Variants in DENND3 observed in about 807,000 individuals in gnomAD.
DENND3 encodes DENN domain-containing protein 3.
DENND3 carries 88 observed loss-of-function variants against 135.1 expected under a neutral mutation model. The observed-to-expected ratio is 0.65, with a 90% CI of 0.55 to 0.78. DENND3 has a LOEUF of 0.78. DENND3 is among the 30% of genes least tolerant of loss of function. The pLI is 0.00. For missense variants in DENND3, 1,392 were observed against 1,688.4 expected (o/e 0.82, Z 3.08); for synonymous variants, 693 against 712.3 (o/e 0.97, Z 0.43).
rs1290977348 is a variant in DENND3 at position 141,176,680 on chromosome 8, C to A, written c.2625C>A (p.Ala875=). Reference sequence around the variant, plus strand: ...CGTCCAAGAAAGAAGTCTTCGAAGCCAACCTGAAAACCGAGTGTGACCTTT... The same window carrying A: ...CGTCCAAGAAAGAAGTCTTCGAAGCAAACCTGAAAACCGAGTGTGACCTTT... ...RVASKKEVFE[A]NLKTECDLWH... Residue 875 remains alanine, a synonymous_variant, in exon 15 of 23, where the codon GCC becomes GCA. Transcript: ENST00000519811. 6.2e-7 allele frequency: 1 copy of A among 1,614,230 alleles called. No individual in the cohort carries two copies. The highest frequency in any genetic ancestry group is 2.2e-5 in the East Asian group (1 of 44,890).
chr8:141,144,212 G>A lies in DENND3; in HGVS notation c.688G>A (p.Ala230Thr). 6.2e-7 allele frequency: 1 copy of A among 1,613,958 alleles called. No individual in the cohort carries two copies. Among genetic ancestry groups the A allele is most frequent in the Non-Finnish European group, 8.5e-7 (1 of 1,179,960 alleles). The change falls in exon 5 of 23, where the codon GCG becomes ACG. Residue 230 changes from alanine to threonine, a missense_variant. Transcript: ENST00000519811. This position sits in a 1 kb window ranked among gnomAD's most constrained non-coding sequence, Gnocchi z 4.4. ...GGACAGTCATATAAAAGATTTCGCTGCGAAGCTGTCTTTAATACCCAGCCC... is the reference window on the plus strand; with the variant it reads ...GGACAGTCATATAAAAGATTTCGCTACGAAGCTGTCTTTAATACCCAGCCC... The part of the protein sequence containing the change: ...EVDSHIKDFA[A>T]KLSLIPSPPP...
rs141104902 is a variant in DENND3 at position 141,190,382 on chromosome 8, C to T, written c.3344C>T (p.Thr1115Met). The T allele has an allele frequency of 2.7e-5, 43 of 1,612,462 alleles. No homozygotes were observed. The highest frequency in any genetic ancestry group is 6.7e-5 in the Admixed American group (4 of 59,900). Residue 1115 changes from threonine (T) to methionine (M), a missense_variant, in exon 20 of 23, where the codon ACG becomes ATG. Transcript: ENST00000519811. ...SRFQLPRGGL[T>M]SIRLHGGRLW... ...TTCCAGCTGCCGCGAGGTGGCCTGA[C>T]GTCCATCAGACTGCACGGCGGCCGC... is the stretch of plus-strand genomic sequence containing the variant.
chr8:141,145,827 A>G (rs1441783070), intron 5 of DENND3, among the ~76,000 whole-genome samples: 3 of 81,124 alleles, frequency 3.7e-5, no homozygotes, highest in Non-Finnish European at 4.2e-5. Context: ...ATATATATAT[A>G]TATATATATA....
chr8:141,188,879 C>T, intron 18 of DENND3, 107 bp from the exon 19 acceptor site: 2 of 1,423,740 alleles, frequency 1.4e-6, no homozygotes, highest in Non-Finnish European at 1.9e-6. Context: ...CCCCTAGGAG[C>T]AGTGGTTCCA....
chr8:141,172,166 C>T lies in DENND3; in HGVS notation c.2276-3034C>T, dbSNP rs367868410. Among the ~76,000 whole-genome samples the T allele has an allele frequency of 3.6e-4, 49 of 136,666 alleles. No homozygotes were observed. The East Asian group carries it at 9.8e-3, about 27-fold the overall frequency. 89.7% of individuals were successfully genotyped at this position (136,666 alleles called of 152,430 possible). ...AGTGGGTGTGCATAGTGACTGTGGG[C>T]GTGCACAGTGTGGGTGTACACTGTG... On this transcript the variant is annotated intron_variant, in intron 13 of 22. Coordinates refer to ENST00000519811, the MANE Select transcript of DENND3 (RefSeq NM_001352890.3).
rs774917934 is a variant in DENND3 at position 141,151,578 on chromosome 8, T to C, written c.856-41T>C. The stretch of plus-strand genomic sequence containing the variant: ...GAGACCCTGTCTGTATTTTTTTTTT[T>C]TTTAAAAGCATGTACTCAGTGCGGC... On this transcript the variant is annotated intron_variant, in intron 6 of 22. Coordinates refer to ENST00000519811, the MANE Select transcript of DENND3 (RefSeq NM_001352890.3). The C allele has an allele frequency of 2.5e-6, 4 of 1,582,744 alleles. No homozygotes were observed. The South Asian group carries it at 3.3e-5, about 13-fold the overall frequency.
At chr8:141,151,094 T>A in intron 6 of DENND3, 141 bp downstream of exon 6, 1 of 1,277,488 alleles carries the variant, frequency 7.8e-7, no homozygotes, top group Non-Finnish European at 1.0e-6. Context: ...TATTATTTTT[T>A]AAAGCCAATG....
rs746791206 is a variant in DENND3 at position 141,189,051 on chromosome 8, C to T, written c.3150C>T (p.Ile1050=). ...WVGSEDSVIY[I]INVHSMSCNK... is the part of the protein sequence containing the mutation. ...GCTCGGAAGACTCCGTCATCTACAT[C>T]ATCAACGTCCACAGCATGTCCTGCA... Residue 1050 remains isoleucine, a synonymous_variant, in exon 19 of 23, where the codon ATC becomes ATT. Transcript: ENST00000519811. 18 of 1,614,230 alleles carry T rather than the reference C, an allele frequency of 1.1e-5. 1 individual carries two copies. In the South Asian group the frequency reaches 1.8e-4, roughly 16 times the overall value.
At chr8:141,193,747 C>T (rs751380897) in intron 22 of DENND3, 1 of 518,100 alleles carries the variant, frequency 1.9e-6, no homozygotes, top group African/African-American at 1.9e-5. Context: ...TCTGTCACCT[C>T]ACACAGGTGG....
rs570827656 is a variant in DENND3, at chr8:141,158,682, T to C, written c.1197-1950T>C. Among the ~76,000 whole-genome samples, 6 of 152,332 alleles carry C rather than the reference T, an allele frequency of 3.9e-5. No individual in the cohort carries two copies. In the East Asian group the frequency reaches 1.2e-3, roughly 29 times the overall value. ...ATATGCATCTCTCTGCACGTGAGCG[T>C]GTGGCTGGGAGGGACGGGGCAGCCC... On this transcript the variant is annotated intron_variant, in intron 8 of 22. Transcript: ENST00000519811.
chr8:141,134,885 C>T (rs1186615555), intron 1 of DENND3, among the ~76,000 whole-genome samples: 1 of 152,180 alleles, frequency 6.6e-6, no homozygotes, highest in African/African-American at 2.4e-5. Flanking sequence ...GGCTGGACTG[C>T]AGTGGTGAGA....
chr8:141,194,015 C>A lies in DENND3; in HGVS notation c.3637-18C>A, dbSNP rs1319836316. ...GGGGCTTCTTTCCCTGCTGACCCCTCCCGTTTCTCCCTGGCAGGTCTGGGT... is the reference window on the plus strand; with the variant it reads ...GGGGCTTCTTTCCCTGCTGACCCCTACCGTTTCTCCCTGGCAGGTCTGGGT... On this transcript the variant is annotated intron_variant, in intron 22 of 22. Coordinates refer to ENST00000519811, the MANE Select transcript of DENND3 (RefSeq NM_001352890.3). 1 of 1,611,580 alleles carries A rather than the reference C, an allele frequency of 6.2e-7. No homozygotes were observed. Among genetic ancestry groups the A allele is most frequent in the South Asian group, 1.1e-5 (1 of 90,456 alleles).
At position 141,166,296 on chromosome 8, in the gene DENND3, C is replaced by G. The variant is rs1448014024; in HGVS notation, c.1660C>G (p.Pro554Ala). The G allele has an allele frequency of 6.2e-7, 1 of 1,613,944 alleles. No homozygotes were observed. The highest frequency in any genetic ancestry group is 1.7e-5 in the Admixed American group (1 of 59,996). The part of the protein sequence containing the change: ...VTHRRMVVSM[P>A]NLQDIAMPEL... ...CCACAGGCGCATGGTGGTCAGCATG[C>G]CCAACCTGCAGGACATTGCCATGCC... Residue 554 changes from proline (P) to alanine (A), a missense_variant, in exon 12 of 23, where the codon CCC becomes GCC. By Grantham distance (27) the Pro-to-Ala change is conservative (BLOSUM62 -1). Coordinates refer to ENST00000519811, the MANE Select transcript of DENND3 (RefSeq NM_001352890.3). The surrounding 1 kb of genome is among the most constrained non-coding windows in gnomAD (Gnocchi z 4.3).
intron 10 of DENND3, among the ~76,000 whole-genome samples, chr8:141,164,271 T>C (rs1350980064): frequency 6.6e-6 from 1 of 152,256 alleles, no homozygotes; most frequent in Admixed American, 6.5e-5. Context: ...GCTTTGTTCT[T>C]CTGTCCACCT....
At position 141,137,090 on chromosome 8, in the gene DENND3, C is replaced by T. The variant is rs1816873161; in HGVS notation, c.385+299C>T. Among the ~76,000 whole-genome samples the T allele has an allele frequency of 6.6e-6, 1 of 152,152 alleles. No homozygotes were observed. The highest frequency in any genetic ancestry group is 2.1e-4 in the South Asian group (1 of 4,826). The stretch of plus-strand genomic sequence containing the variant: ...TGCCTCCTGGGTTCAAGTGATTCTT[C>T]TGCGTCAGCCTCTCAAGTAGCTGGG... On this transcript the variant is annotated intron_variant, in intron 2 of 22. Transcript: ENST00000519811. This position sits in a 1 kb window ranked among gnomAD's most constrained non-coding sequence, Gnocchi z 4.1.
At position 141,143,550 on chromosome 8, in the gene DENND3, G is replaced by A. The variant is rs544009998; in HGVS notation, c.624-598G>A. Among the ~76,000 whole-genome samples the A allele has an allele frequency of 2.0e-5, 3 of 152,172 alleles. No individual in the cohort carries two copies. The South Asian group carries it at 6.2e-4, about 32-fold the overall frequency. ...CTCCCAGGTAGCTGGGACTACAGGC[G>A]CACACCACCACACCAGGATAATTTT... On this transcript the variant is annotated intron_variant, in intron 4 of 22. Transcript: ENST00000519811.
At chr8:141,188,036 ACATCAGCCAGGCGTGGTGG>A (rs529064677) in intron 18 of DENND3, among the ~76,000 whole-genome samples, 2,187 of 144,282 alleles carry the variant, frequency 0.015, 95 homozygotes, top group Admixed American at 0.095. Context: ...AAACTGCCAA[ACATCAGCCAGGCGTGGTGG>A]CATCAGCCAG....
chr8:141,171,487 C>G (rs543243275), intron 13 of DENND3, among the ~76,000 whole-genome samples: 2 of 152,176 alleles, frequency 1.3e-5, no homozygotes, highest in African/African-American at 2.4e-5. Flanking sequence ...GTTGCCTGCA[C>G]GCCACCTAGC....
In DENND3 at chr8:141,168,746, T is replaced by C. The variant is rs572564093; in HGVS notation, c.2275+221T>C. On this transcript the variant is annotated intron_variant, in intron 13 of 22. Transcript: ENST00000519811. The surrounding 1 kb of genome is among the most constrained non-coding windows in gnomAD (Gnocchi z 6.2). Reference sequence around the variant, plus strand: ...TAGTATTTTTTGTAGAGACAGGGTTTCAGTATGTTGCCCAGGCTGGTCTCG... The same window carrying C: ...TAGTATTTTTTGTAGAGACAGGGTTCCAGTATGTTGCCCAGGCTGGTCTCG... Among the ~76,000 whole-genome samples, 1 of 152,112 alleles carries C rather than the reference T, an allele frequency of 6.6e-6. No homozygotes were observed. Among genetic ancestry groups the C allele is most frequent in the Non-Finnish European group, 1.5e-5 (1 of 68,026 alleles).
Sources: gnomAD v4.1 joint callset for allele counts (sites outside exome capture counted in the v4.1 genomes callset) on GRCh38, gnomAD v4.1.1 for gene constraint, Gnocchi (gnomAD v3.1) non-coding constraint, MANE v1.5 for transcripts, NCBI Gene and HGNC (gene_info 2026-07-23, HGNC 2026-07-21) for gene names.